CNTNAP5: variants seen among roughly 807,000 people sequenced by gnomAD.
The protein encoded by CNTNAP5 is contactin associated protein family member 5, also known as contactin-associated protein-like 5.
A neutral mutation model predicts 150.2 loss-of-function variants in CNTNAP5; 72 were observed. That is an observed-to-expected ratio of 0.48 (90% CI 0.40 to 0.58). The LOEUF (loss-of-function observed/expected upper bound fraction) is 0.58. Among genes scored for constraint, CNTNAP5 ranks in the 20% least tolerant of loss-of-function variants. The probability of loss-of-function intolerance (pLI) is 0.00; values close to 1 mark genes in which losing one functional copy is unlikely to be tolerated. For missense variants in CNTNAP5, 1,636 were observed against 1,626.2 expected (o/e 1.01, Z -0.10); for synonymous variants, 672 against 619.8 (o/e 1.08, Z -1.25).
intron 2 of CNTNAP5, among the ~76,000 whole-genome samples, chr2:124,225,097 T>C (rs1686422357): frequency 6.6e-6 from 1 of 152,138 alleles, no homozygotes; most frequent in South Asian, 2.1e-4. Flanking sequence ...TCTCTCCGGA[T>C]GGTGAGATTG....
intron 8 of CNTNAP5, among the ~76,000 whole-genome samples, chr2:124,519,087 T>C (rs1202427532): frequency 8.2e-6 from 1 of 121,972 alleles, no homozygotes; most frequent in Non-Finnish European, 1.7e-5. Context: ...AGTCAGAAAA[T>C]AGAGCATAAT....
chr2:124,066,981 T>C (rs957749419), intron 1 of CNTNAP5, among the ~76,000 whole-genome samples: 1 of 152,178 alleles, frequency 6.6e-6, no homozygotes, highest in Non-Finnish European at 1.5e-5. Context: ...CAAGACTACA[T>C]TGTACTCTTC....
At chr2:124,617,459 C>T (rs1165131203) in intron 12 of CNTNAP5, among the ~76,000 whole-genome samples, 1 of 152,126 alleles carries the variant, frequency 6.6e-6, no homozygotes, top group Admixed American at 6.5e-5. Flanking sequence ...AGCCTCAGCA[C>T]TTTAATCTCT....
At chr2:124,089,333 G>A (rs998104736) in intron 1 of CNTNAP5, among the ~76,000 whole-genome samples, 4 of 151,586 alleles carry the variant, frequency 2.6e-5, no homozygotes, top group Admixed American at 2.0e-4. Flanking sequence ...TGTACTGGGC[G>A]TTTGACTTGT....
intron 8 of CNTNAP5, among the ~76,000 whole-genome samples, chr2:124,511,239 T>C (rs1211383069): frequency 6.6e-6 from 1 of 152,212 alleles, no homozygotes; most frequent in Admixed American, 6.5e-5. Context: ...TTGAATGTCA[T>C]ATGAAATCAT....
chr2:124,040,643 G>GTGTGTGTGTGTC (rs1681345256), intron 1 of CNTNAP5, among the ~76,000 whole-genome samples: 1 of 151,718 alleles, frequency 6.6e-6, no homozygotes, highest in Non-Finnish European at 1.5e-5. Context: ...GTGTGTGTGT[G>GTGTGTGTGTGTC]TGTGTGTGTG....
At chr2:124,473,760 C>G (rs1693575320) in intron 6 of CNTNAP5, among the ~76,000 whole-genome samples, 1 of 151,902 alleles carries the variant, frequency 6.6e-6, no homozygotes, top group African/African-American at 2.4e-5. Context: ...TGGGATAAAC[C>G]TGATAATATA....
At position 124,747,283 on chromosome 2, in the gene CNTNAP5, G is replaced by A; in HGVS notation, c.2132G>A (p.Trp711Ter). 6.2e-7 allele frequency: 1 copy of A among 1,613,756 alleles called. No individual in the cohort carries two copies. The highest frequency in any genetic ancestry group is 8.5e-7 in the Non-Finnish European group (1 of 1,179,772). The change falls in exon 14 of 24, where the codon TGG becomes TAG. Residue 711 changes from tryptophan to a stop codon, truncating the protein, a stop_gained. Transcript: ENST00000682447. LOFTEE classifies it high-confidence loss of function. ...CGGTCCAATGAAAGGCACCCTTACT[G>A]GGGAGGTTCCCCTCCTGGGGTCCAG... ...IGRSNERHPY[W>*]GGSPPGVQQC... is the part of the protein sequence containing the mutation.
intron 1 of CNTNAP5, among the ~76,000 whole-genome samples, chr2:124,068,786 C>T (rs1682227038): frequency 6.6e-6 from 1 of 151,860 alleles, no homozygotes; most frequent in Non-Finnish European, 1.5e-5. Context: ...TAGGATACAA[C>T]ACCAGGCAGA....
intron 7 of CNTNAP5, among the ~76,000 whole-genome samples, chr2:124,481,620 T>A (rs1457106093): frequency 1.3e-5 from 2 of 152,204 alleles, no homozygotes; most frequent in Non-Finnish European, 2.9e-5. Flanking sequence ...TGTATATTTA[T>A]ATATCATAGA....
intron 17 of CNTNAP5, among the ~76,000 whole-genome samples, chr2:124,783,977 TAAAG>T (rs1282379258): frequency 2.6e-5 from 4 of 152,170 alleles, no homozygotes; most frequent in Admixed American, 6.5e-5. Flanking sequence ...AACCAGGACT[TAAAG>T]AAGAACATAA....
chr2:124,280,585 C>T (rs2104622577), intron 3 of CNTNAP5, among the ~76,000 whole-genome samples: 2 of 152,140 alleles, frequency 1.3e-5, no homozygotes, highest in South Asian at 4.1e-4. Flanking sequence ...GATTTCAGCA[C>T]CAAAGGGAGA....
At chr2:124,752,197 T>G (rs2105151238) in intron 14 of CNTNAP5, among the ~76,000 whole-genome samples, 1 of 152,252 alleles carries the variant, frequency 6.6e-6, no homozygotes, top group Admixed American at 6.5e-5. Context: ...CTTCTAAGCC[T>G]CTGGTGATTG....
At chr2:124,785,733 A>G (rs974827180) in intron 17 of CNTNAP5, among the ~76,000 whole-genome samples, 2 of 152,210 alleles carry the variant, frequency 1.3e-5, no homozygotes, top group Non-Finnish European at 2.9e-5. Context: ...GTCAATTGTG[A>G]TCAGGAATTT....
At chr2:124,349,874 C>T (rs374509781) in intron 3 of CNTNAP5, among the ~76,000 whole-genome samples, 295 of 81,708 alleles carry the variant, frequency 3.6e-3, no homozygotes, top group East Asian at 4.5e-3. Flanking sequence ...CTGGCTATTT[C>T]TTTTTTTTTT....
At chr2:124,315,853 T>C (rs757772892) in intron 3 of CNTNAP5, among the ~76,000 whole-genome samples, 3 of 151,578 alleles carry the variant, frequency 2.0e-5, no homozygotes, top group African/African-American at 2.4e-5. Context: ...CTAATGCATA[T>C]GCAGCATGAG....
chr2:124,713,223 CTTTCTTTCTTTCTT>C (rs1679847039), intron 13 of CNTNAP5, among the ~76,000 whole-genome samples: 9 of 31,574 alleles, frequency 2.9e-4, no homozygotes, highest in South Asian at 1.4e-3. Context: ...TTCTCTGTTT[CTTTCTTTCTTTCTT>C]TCTTTCTCTT....
chr2:124,837,523 C>A (rs2104688495), intron 19 of CNTNAP5, among the ~76,000 whole-genome samples: 1 of 152,188 alleles, frequency 6.6e-6, no homozygotes, highest in African/African-American at 2.4e-5. Flanking sequence ...TCAGATGGCC[C>A]TATTTGTTTC....
At chr2:124,816,183 A>C (rs1036648803) in intron 19 of CNTNAP5, among the ~76,000 whole-genome samples, 1 of 152,184 alleles carries the variant, frequency 6.6e-6, no homozygotes, top group African/African-American at 2.4e-5. Flanking sequence ...TTAGAAGAGC[A>C]AACGTTTCTT....
Sources: gnomAD v4.1 joint callset for allele counts (sites outside exome capture counted in the v4.1 genomes callset) on GRCh38, gnomAD v4.1.1 for gene constraint, MANE v1.5 for transcripts, NCBI Gene and HGNC (gene_info 2026-07-23, HGNC 2026-07-21) for gene names.